MMP15: variants seen among roughly 807,000 people sequenced by gnomAD.
MMP15 encodes the protein matrix metallopeptidase 15.
In MMP15, 36 loss-of-function variants were observed where a neutral mutation model predicts 65.0. The ratio of observed to expected loss-of-function variants is 0.55; its 90% CI spans 0.42 to 0.73. The LOEUF (loss-of-function observed/expected upper bound fraction) is 0.73. MMP15 is among the 30% of genes least tolerant of loss of function. The probability of loss-of-function intolerance (pLI) is 0.00; values close to 1 mark genes in which losing one functional copy is unlikely to be tolerated. For missense variants in MMP15, 870 were observed against 987.8 expected (o/e 0.88, Z 1.60); for synonymous variants, 428 against 410.2 (o/e 1.04, Z -0.52).
chr16:58,039,185 C>T (rs1012912924), intron 3 of MMP15, among the ~76,000 whole-genome samples: 1 of 152,250 alleles, frequency 6.6e-6, no homozygotes, highest in Non-Finnish European at 1.5e-5. Context: ...GTAATCCCAG[C>T]ACTTTGGGAG....
At chr16:58,034,582 C>T (rs192335589) in intron 1 of MMP15, among the ~76,000 whole-genome samples, 1 of 152,296 alleles carries the variant, frequency 6.6e-6, no homozygotes, top group African/African-American at 2.4e-5. Flanking sequence ...GCCAGCTTCG[C>T]CTTGTTATCC....
chr16:58,043,472 C>T, intron 8 of MMP15, 40 bp from the exon 9 acceptor site: 1 of 1,607,852 alleles, frequency 6.2e-7, no homozygotes, highest in Non-Finnish European at 8.5e-7. Context: ...CTGGCCCAAG[C>T]AGGATCTCTA....
rs1235489046 is a variant in MMP15, at chr16:58,040,091, G to A, written c.657G>A (p.Leu219=). 5.0e-6 allele frequency: 8 copies of A among 1,613,930 alleles called. No individual in the cohort carries two copies. The highest frequency in any genetic ancestry group is 6.8e-6 in the Non-Finnish European group (8 of 1,180,052). ...SSPFDGTGGF[L]AHAYFPGPGL... ...CGTTTGATGGCACCGGTGGCTTTCT[G>A]GCCCACGCCTATTTCCCTGGCCCCG... The change falls in exon 4 of 10, where the codon CTG becomes CTA. Residue 219 remains leucine (L), a synonymous_variant. Coordinates refer to ENST00000219271, the MANE Select transcript of MMP15 (RefSeq NM_002428.4).
rs773646018 is a variant in MMP15 at position 58,040,034 on chromosome 16, C to G, written c.600C>G (p.Leu200=). ...AGAAGGAGGCCGACATCATGGTACT[C>G]TTTGCCTCTGGCTTCCACGGCGACA... ...RRQKEADIMV[L]FASGFHGDSS... is the part of the protein sequence containing the mutation. Residue 200 remains leucine (L), a synonymous_variant, in exon 4 of 10, where the codon CTC becomes CTG. Transcript: ENST00000219271. 2 of 1,614,056 alleles carry G rather than the reference C, an allele frequency of 1.2e-6. No homozygotes were observed. The highest frequency in any genetic ancestry group is 1.7e-5 in the Admixed American group (1 of 60,016).
intron 5 of MMP15, 59 bp from the exon 6 acceptor site, chr16:58,041,558 G>A: frequency 6.5e-7 from 1 of 1,547,226 alleles, no homozygotes; most frequent in Non-Finnish European, 8.7e-7. Flanking sequence ...GGGGGCCCCG[G>A]GGCCCAGGGT....
chr16:58,041,493 AG>A, intron 5 of MMP15, 123 bp from the exon 6 acceptor site: 1 of 1,008,240 alleles, frequency 9.9e-7, no homozygotes, highest in Non-Finnish European at 1.5e-6. Flanking sequence ...GGTGTTGGGG[AG>A]GGGTCTGCTG....
intron 9 of MMP15, among the ~76,000 whole-genome samples, chr16:58,044,625 G>T (rs922019289): frequency 6.6e-6 from 1 of 152,204 alleles, no homozygotes; most frequent in African/African-American, 2.4e-5. Flanking sequence ...GGTTCCTTCC[G>T]CTCTAGAACA....
chr16:58,043,883 A>G (rs964897806), intron 9 of MMP15, among the ~76,000 whole-genome samples: 6 of 152,344 alleles, frequency 3.9e-5, no homozygotes, highest in African/African-American at 1.4e-4. Context: ...ACAGCCAGGA[A>G]GGTGCGGCGT....
chr16:58,026,881 C>T (rs1342770746), intron 1 of MMP15, among the ~76,000 whole-genome samples: 6 of 152,210 alleles, frequency 3.9e-5, no homozygotes, highest in Non-Finnish European at 8.8e-5. Flanking sequence ...CTCGAGAGCC[C>T]GGCTGGCGCG....
chr16:58,042,468 G>C (rs369523986), intron 7 of MMP15, 99 bp downstream of exon 7: 27 of 1,486,314 alleles, frequency 1.8e-5, no homozygotes, highest in Middle Eastern at 3.5e-4. Flanking sequence ...TGCATTGCAT[G>C]TCTGGTCCTG....
chr16:58,034,331 C>G (rs59427338), intron 1 of MMP15, among the ~76,000 whole-genome samples: 9,328 of 152,178 alleles, frequency 0.061, 955 homozygotes, highest in African/African-American at 0.21. Flanking sequence ...TGCCCACCTG[C>G]AGGCAGCAGC....
At chr16:58,044,430 CAGG>C (rs1476752162) in intron 9 of MMP15, among the ~76,000 whole-genome samples, 5 of 152,210 alleles carry the variant, frequency 3.3e-5, no homozygotes, top group Non-Finnish European at 5.9e-5. Flanking sequence ...CTGGGTGACT[CAGG>C]GGGGACCTTG....
At chr16:58,040,848 T>G (rs1402376011) in intron 5 of MMP15, 150 bp downstream of exon 5, 1 of 1,191,710 alleles carries the variant, frequency 8.4e-7, no homozygotes, top group Non-Finnish European at 1.2e-6. Context: ...GGGGAATAAA[T>G]GGTGGTACTG....
intron 1 of MMP15, among the ~76,000 whole-genome samples, chr16:58,032,574 C>T (rs572093169): frequency 2.6e-5 from 4 of 152,348 alleles, no homozygotes; most frequent in South Asian, 4.1e-4. Flanking sequence ...GGCTCAGGTC[C>T]GCTGATCCAG....
rs778292462 is a variant in MMP15, at chr16:58,038,305, C to T, written c.351C>T (p.Phe117=). The change falls in exon 3 of 10, where the codon TTC becomes TTT. Residue 117 remains phenylalanine, a synonymous_variant. Coordinates refer to ENST00000219271, the MANE Select transcript of MMP15 (RefSeq NM_002428.4). ...KRPRCGVPDQ[F]GVRVKANLRR... ...CCCGCTGTGGGGTGCCAGACCAGTT[C>T]GGGGTACGAGTGAAAGCCAACCTGC... 67 of 1,613,906 alleles carry T rather than the reference C, an allele frequency of 4.2e-5. No individual in the cohort carries two copies. Among genetic ancestry groups the T allele is most frequent in the Non-Finnish European group, 5.7e-5 (67 of 1,180,024 alleles).
chr16:58,037,652 G>T (rs750613256), intron 2 of MMP15, 32 bp downstream of exon 2: 3 of 1,613,566 alleles, frequency 1.9e-6, no homozygotes, highest in Admixed American at 3.3e-5. Context: ...CACCCCACAG[G>T]CACCTGCCTT....
intron 1 of MMP15, among the ~76,000 whole-genome samples, chr16:58,028,660 A>G (rs771280431): frequency 3.3e-5 from 5 of 152,116 alleles, no homozygotes; most frequent in African/African-American, 1.2e-4. Flanking sequence ...TCAGGCCTCC[A>G]GTAGGGTCAC....
chr16:58,035,884 G>T (rs1959321533), intron 1 of MMP15, among the ~76,000 whole-genome samples: 1 of 152,204 alleles, frequency 6.6e-6, no homozygotes, highest in South Asian at 2.1e-4. Flanking sequence ...GGGTACCACT[G>T]AGCTGGCCTG....
chr16:58,037,921 C>G (rs1380395302), intron 2 of MMP15, among the ~76,000 whole-genome samples: 1 of 152,182 alleles, frequency 6.6e-6, no homozygotes, highest in Non-Finnish European at 1.5e-5. Context: ...GAAATCGTAG[C>G]TAGGCATGGC....
Sources: gnomAD v4.1 joint callset for allele counts (sites outside exome capture counted in the v4.1 genomes callset) on GRCh38, gnomAD v4.1.1 for gene constraint, MANE v1.5 for transcripts, NCBI Gene and HGNC (gene_info 2026-07-23, HGNC 2026-07-21) for gene names.